The following HTRA3 variants were observed in gnomAD, a reference collection of about 807,000 sequenced individuals.
The protein encoded by HTRA3 is serine protease HTRA3.
Under a neutral mutation model 43.2 loss-of-function variants are expected in HTRA3, and 41 were observed. The observed-to-expected ratio is 0.95, with a 90% confidence interval of 0.74 to 1.23. HTRA3 has a LOEUF of 1.23. HTRA3 is among the 50% of genes most tolerant of loss of function. The pLI is 0.00. For missense variants in HTRA3, 628 were observed against 647.1 expected, an observed-to-expected ratio of 0.97 and a Z score of 0.32; for synonymous variants, 295 against 287.9, an observed-to-expected ratio of 1.02 and a Z score of -0.25.
chr4:8,295,446 A>C lies in HTRA3; in HGVS notation c.1051+1245A>C, dbSNP rs569984681. ...CATCTGGGAGAGGCCTCGCCAGGGC[A>C]CTAGGCAACTCTCCCAAGTGAGAGC... On this transcript the variant is annotated intron_variant, in intron 6 of 8. Coordinates refer to ENST00000307358, the MANE Select transcript of HTRA3 (RefSeq NM_053044.5). This position sits in a 1 kb window ranked among gnomAD's most constrained non-coding sequence, Gnocchi z 6.9. Among the ~76,000 whole-genome samples the C allele has an allele frequency of 7.3e-4, 109 of 150,296 alleles. No individual in the cohort carries two copies. The highest frequency in any genetic ancestry group is 1.3e-3 in the Non-Finnish European group (90 of 67,588).
chr4:8,280,853 C>T (rs537821482), intron 1 of HTRA3, among the ~76,000 whole-genome samples: 2 of 152,288 alleles, frequency 1.3e-5, no homozygotes, highest in East Asian at 1.9e-4. Context: ...AGGCAGACAT[C>T]GGAAGTCTGG....
intron 2 of HTRA3, among the ~76,000 whole-genome samples, chr4:8,284,641 C>G (rs1712887255): frequency 6.6e-6 from 1 of 152,206 alleles, no homozygotes; most frequent in Non-Finnish European, 1.5e-5. Context: ...GCAGTTCCTA[C>G]TCTGGGGCAC....
At chr4:8,287,368 GA>G (rs2153005424) in intron 3 of HTRA3, among the ~76,000 whole-genome samples, 1 of 152,334 alleles carries the variant, frequency 6.6e-6, no homozygotes, top group East Asian at 1.9e-4. Flanking sequence ...GGGCCTGTAT[GA>G]GTCTGTTTTC....
At chr4:8,276,981 T>G (rs1712553362) in intron 1 of HTRA3, among the ~76,000 whole-genome samples, 1 of 152,254 alleles carries the variant, frequency 6.6e-6, no homozygotes, top group South Asian at 2.1e-4. Context: ...GAGCCCAGCC[T>G]GACGTCCCAT....
Position 8,296,044 on chromosome 4 carries a change from T to C in HTRA3, c.1051+1843T>C. On this transcript the variant is annotated intron_variant, in intron 6 of 8. Coordinates refer to ENST00000307358, the MANE Select transcript of HTRA3 (RefSeq NM_053044.5). This position sits in a 1 kb window ranked among gnomAD's most constrained non-coding sequence, Gnocchi z 5.3. ...TGTCCTAGCATGCTCCTTTCCCTAA[T>C]GACCGAGTCTTTCCTGTTGAATTAT... 1 of 1,113,754 alleles carries C rather than the reference T, an allele frequency of 9.0e-7. No homozygotes were observed. The highest frequency in any genetic ancestry group is 1.1e-6 in the Non-Finnish European group (1 of 912,728). 69.0% of individuals were successfully genotyped at this position (1,113,754 alleles called of 1,614,324 possible).
At chr4:8,275,766 A>G (rs965502241) in intron 1 of HTRA3, among the ~76,000 whole-genome samples, 1 of 152,186 alleles carries the variant, frequency 6.6e-6, no homozygotes, top group Non-Finnish European at 1.5e-5. Flanking sequence ...CCTTCAACAC[A>G]TCATTGGGGT....
rs1219873724 is a variant in HTRA3, at chr4:8,270,322, G to C, written c.354G>C (p.Val118=). The C allele has an allele frequency of 2.1e-6, 3 of 1,450,280 alleles. No homozygotes were observed. The highest frequency in any genetic ancestry group is 2.7e-6 in the Non-Finnish European group (3 of 1,109,086). The allele number at this position is 1,450,280 out of a possible 1,614,324, so 89.8% of individuals were successfully genotyped here. Residue 118 remains valine (V), a synonymous_variant, in exon 1 of 9, where the codon GTG becomes GTC. Transcript: ENST00000307358. Reference sequence around the variant, plus strand: ...CGCTGCAGCTCTCCGGGACGCCCGTGCGCCAGCTGCAGAAGGGCGCCTGCC... The same window carrying C: ...CGCTGCAGCTCTCCGGGACGCCCGTCCGCCAGCTGCAGAAGGGCGCCTGCC... The part of the protein sequence containing the change: ...RRALQLSGTP[V]RQLQKGACPL...
At chr4:8,304,643 G>GTTTTTT (rs140790982) in intron 8 of HTRA3, among the ~76,000 whole-genome samples, 1 of 62,732 alleles carries the variant, frequency 1.6e-5, no homozygotes, top group Non-Finnish European at 2.8e-5. Flanking sequence ...TCAGCCTATT[G>GTTTTTT]TTTTTTTTTT....
intron 4 of HTRA3, among the ~76,000 whole-genome samples, chr4:8,291,963 G>A (rs74565437): frequency 2.0e-3 from 307 of 152,316 alleles, no homozygotes; most frequent in Middle Eastern, 6.8e-3. Context: ...CAGCTTTGCC[G>A]CAGCTCAGGC....
chr4:8,305,101 C>A (rs549415019), intron 8 of HTRA3, among the ~76,000 whole-genome samples: 1 of 152,330 alleles, frequency 6.6e-6, no homozygotes, highest in South Asian at 2.1e-4. Flanking sequence ...GGCTCTGAAC[C>A]AGTTGCCTCC....
chr4:8,284,229 G>T (rs970377354), intron 2 of HTRA3, among the ~76,000 whole-genome samples: 6 of 152,112 alleles, frequency 3.9e-5, no homozygotes, highest in Admixed American at 6.5e-5. Flanking sequence ...ACCCCTCACT[G>T]CCCTTCCCTC....
At chr4:8,285,240 G>A (rs1253793029) in intron 2 of HTRA3, among the ~76,000 whole-genome samples, 1 of 152,202 alleles carries the variant, frequency 6.6e-6, no homozygotes, top group African/African-American at 2.4e-5. Flanking sequence ...ACAGTCACAT[G>A]GGGTTAGGAC....
chr4:8,294,918 TTCCA>T (rs974487964), intron 6 of HTRA3, among the ~76,000 whole-genome samples: 6 of 146,634 alleles, frequency 4.1e-5, no homozygotes, highest in African/African-American at 1.5e-4. Context: ...CCACCAATTC[TTCCA>T]TCCATCATCC....
intron 8 of HTRA3, among the ~76,000 whole-genome samples, chr4:8,304,643 GTTTTTTTTTTTTTTTTT>G: frequency 1.6e-5 from 1 of 62,736 alleles, no homozygotes; most frequent in East Asian, 1.0e-3. Flanking sequence ...TCAGCCTATT[GTTTTTTTTTTTTTTTTT>G]TTTTTTTTTT....
At chr4:8,294,953 G>GTC (rs1713404182) in intron 6 of HTRA3, among the ~76,000 whole-genome samples, 1 of 140,462 alleles carries the variant, frequency 7.1e-6, no homozygotes, top group Non-Finnish European at 1.6e-5. Flanking sequence ...CCATCCATCC[G>GTC]TCCATCCATC....
chr4:8,277,092 T>A (rs927056730), intron 1 of HTRA3, among the ~76,000 whole-genome samples: 6 of 152,128 alleles, frequency 3.9e-5, no homozygotes, highest in Admixed American at 3.3e-4. Context: ...GCGTTCCACA[T>A]GAACAGGTCT....
chr4:8,305,587 A>G (rs1253225649), intron 8 of HTRA3, among the ~76,000 whole-genome samples: 2 of 152,202 alleles, frequency 1.3e-5, no homozygotes, highest in Non-Finnish European at 2.9e-5. Flanking sequence ...CCTCCCACAT[A>G]GACGTCTTCG....
At chr4:8,288,367 G>A (rs550569200) in intron 3 of HTRA3, among the ~76,000 whole-genome samples, 117 of 151,172 alleles carry the variant, frequency 7.7e-4, no homozygotes, top group African/African-American at 2.6e-3. Context: ...TCCGCCTCCC[G>A]GGTTCAAGCA....
intron 1 of HTRA3, among the ~76,000 whole-genome samples, chr4:8,277,025 C>T (rs1391441191): frequency 6.6e-6 from 1 of 152,226 alleles, no homozygotes; most frequent in Admixed American, 6.5e-5. Flanking sequence ...AGGTGTGGCC[C>T]GTGGAGGGGG....
Sources: allele counts gnomAD v4.1 joint callset (sites outside exome capture counted in the v4.1 genomes callset), GRCh38; gene constraint gnomAD v4.1.1; non-coding constraint Gnocchi (gnomAD v3.1); transcripts MANE v1.5; gene names NCBI Gene and HGNC (gene_info 2026-07-23, HGNC 2026-07-21).